Variants in FOXP1 observed in about 807,000 individuals in gnomAD.
The protein encoded by FOXP1 is forkhead box P1.
Under a neutral mutation model 98.2 loss-of-function variants are expected in FOXP1, and 15 were observed. The ratio of observed to expected loss-of-function variants is 0.15; its 90% confidence interval spans 0.10 to 0.24. The LOEUF is 0.24. Ranked by LOEUF, FOXP1 falls within the 10% of genes least tolerant of loss-of-function variation. The probability of loss-of-function intolerance (pLI) is 1.00; values close to 1 mark genes in which losing one functional copy is unlikely to be tolerated. For synonymous variants in FOXP1, 371 were observed against 314.5 expected, an observed-to-expected ratio of 1.18 and a Z score of -1.90; for missense variants, 633 against 848.5, an observed-to-expected ratio of 0.75 and a Z score of 3.15.
At chr3:71,365,714 GT>G (rs1333819252) in intron 3 of FOXP1, among the ~76,000 whole-genome samples, 1 of 152,244 alleles carries the variant, frequency 6.6e-6, no homozygotes, top group African/African-American at 2.4e-5. Context: ...GCTGGGTGCG[GT>G]GGCTCACGCC....
chr3:71,062,972 GC>G (rs1382817214), intron 7 of FOXP1, among the ~76,000 whole-genome samples: 24 of 152,134 alleles, frequency 1.6e-4, no homozygotes, highest in Non-Finnish European at 3.5e-4. Context: ...CTTATCTCAT[GC>G]CTTAGAAATG....
intron 3 of FOXP1, among the ~76,000 whole-genome samples, chr3:71,425,738 T>G (rs1185181749): frequency 1.4e-5 from 2 of 142,554 alleles, no homozygotes; most frequent in African/African-American, 2.6e-5. Context: ...TCAAACCACT[T>G]AAAAAAAAAA....
At chr3:71,341,255 T>C (rs1270621349) in intron 4 of FOXP1, among the ~76,000 whole-genome samples, 2 of 152,182 alleles carry the variant, frequency 1.3e-5, no homozygotes, top group Non-Finnish European at 2.9e-5. Flanking sequence ...TTTAAAAGTA[T>C]GTTATCCAAT....
At chr3:71,435,098 A>G (rs2085122237) in intron 3 of FOXP1, among the ~76,000 whole-genome samples, 1 of 149,640 alleles carries the variant, frequency 6.7e-6, no homozygotes. Context: ...ATAAGAGCTT[A>G]AAGTAAGAGA....
chr3:71,043,797 G>A (rs1007351256), intron 10 of FOXP1, among the ~76,000 whole-genome samples: 1 of 152,150 alleles, frequency 6.6e-6, no homozygotes, highest in Non-Finnish European at 1.5e-5. Context: ...TGTTTTAAAA[G>A]TAAGCTGTTT....
intron 9 of FOXP1, among the ~76,000 whole-genome samples, chr3:71,048,887 A>T (rs2049422299): frequency 6.6e-6 from 1 of 152,102 alleles, no homozygotes; most frequent in South Asian, 2.1e-4. Flanking sequence ...ATTTATGTAA[A>T]ATGACTGATG....
At chr3:70,972,827 G>C in intron 17 of FOXP1, 151 bp from the exon 18 acceptor site, 1 of 762,896 alleles carries the variant, frequency 1.3e-6, no homozygotes, top group African/African-American at 1.8e-5. Flanking sequence ...CATGGTTAAG[G>C]ATGTCTTTTC....
chr3:71,228,649 T>A (rs2066030019), intron 5 of FOXP1, among the ~76,000 whole-genome samples: 1 of 152,194 alleles, frequency 6.6e-6, no homozygotes, highest in African/African-American at 2.4e-5. Context: ...AGGTCTGATT[T>A]ATGTTGTCAT....
At chr3:71,516,290 G>C (rs2042574387) in intron 2 of FOXP1, among the ~76,000 whole-genome samples, 1 of 152,164 alleles carries the variant, frequency 6.6e-6, no homozygotes, top group African/African-American at 2.4e-5. Flanking sequence ...AAACGTGTGT[G>C]TGTGCACACG....
chr3:71,124,557 C>G (rs936675813), intron 6 of FOXP1, among the ~76,000 whole-genome samples: 1 of 150,182 alleles, frequency 6.7e-6, no homozygotes, highest in Non-Finnish European at 1.5e-5. Flanking sequence ...ACAATTGATA[C>G]TTATAATACA....
chr3:71,567,309 C>T (rs1208583197), intron 2 of FOXP1, among the ~76,000 whole-genome samples: 1 of 152,016 alleles, frequency 6.6e-6, no homozygotes, highest in Admixed American at 6.6e-5. Context: ...CACATTTGCT[C>T]ATTTATGTCT....
intron 4 of FOXP1, among the ~76,000 whole-genome samples, chr3:71,331,846 G>A (rs897056151): frequency 2.6e-5 from 4 of 151,850 alleles, no homozygotes; most frequent in Non-Finnish European, 5.9e-5. Context: ...CTAGCTCAGG[G>A]TTTGTAAATA....
intron 11 of FOXP1, among the ~76,000 whole-genome samples, chr3:71,039,496 C>T (rs529499401): frequency 6.6e-6 from 1 of 152,086 alleles, no homozygotes; most frequent in African/African-American, 2.4e-5. Context: ...CTGAGCACAG[C>T]GCATCTAAAC....
At chr3:71,450,676 T>C (rs1236174083) in intron 3 of FOXP1, among the ~76,000 whole-genome samples, 1 of 152,228 alleles carries the variant, frequency 6.6e-6, no homozygotes, top group Non-Finnish European at 1.5e-5. Flanking sequence ...GACAAGCTCC[T>C]GTCTAAATAC....
intron 2 of FOXP1, among the ~76,000 whole-genome samples, chr3:71,575,801 A>C (rs1189473712): frequency 6.6e-6 from 1 of 152,240 alleles, no homozygotes; most frequent in Non-Finnish European, 1.5e-5. Flanking sequence ...ATTACCCCTA[A>C]TTCAAAAGCA....
chr3:71,271,298 A>T (rs779049498), intron 5 of FOXP1, among the ~76,000 whole-genome samples: 2 of 152,262 alleles, frequency 1.3e-5, no homozygotes, highest in Non-Finnish European at 2.9e-5. Flanking sequence ...ATACAAATGT[A>T]GGGAGAGAGA....
intron 3 of FOXP1, among the ~76,000 whole-genome samples, chr3:71,371,243 C>T (rs918937229): frequency 7.2e-5 from 11 of 152,160 alleles, no homozygotes; most frequent in African/African-American, 2.4e-4. Flanking sequence ...TGTATTGGTG[C>T]GTAGCTGCAT....
chr3:71,021,259 A>G (rs1439495984), intron 11 of FOXP1, among the ~76,000 whole-genome samples: 2 of 152,136 alleles, frequency 1.3e-5, no homozygotes, highest in African/African-American at 2.4e-5. Flanking sequence ...AGGTGTGTCT[A>G]TTTTGGACAT....
chr3:70,970,482 T>G, intron 19 of FOXP1: 2 of 493,848 alleles, frequency 4.0e-6, no homozygotes, highest in South Asian at 4.3e-5. Context: ...GGATGGAAAT[T>G]ATGATACTGC....
Sources: gnomAD v4.1 joint callset for allele counts (sites outside exome capture counted in the v4.1 genomes callset) on GRCh38, gnomAD v4.1.1 for gene constraint, MANE v1.5 for transcripts, NCBI Gene and HGNC (gene_info 2026-07-23, HGNC 2026-07-21) for gene names.